The following GRAMD2B variants were observed in gnomAD, a reference collection of about 807,000 sequenced individuals.
GRAMD2B encodes the protein GRAM domain-containing protein 2B.
GRAMD2B carries 41 observed loss-of-function variants against 59.2 expected under a neutral mutation model. The observed-to-expected ratio is 0.69, with a 90% CI of 0.54 to 0.90. The LOEUF (loss-of-function observed/expected upper bound fraction) is 0.90, where lower values mean the gene tolerates loss of function less well. Ranked by LOEUF, GRAMD2B falls within the 40% of genes least tolerant of loss-of-function variation. GRAMD2B has a pLI of 0.00. For synonymous variants in GRAMD2B, 161 were observed against 182.7 expected (o/e 0.88, Z 0.96); for missense variants, 424 against 500.5 (o/e 0.85, Z 1.46).
chr5:126,403,145 C>T (rs1209217165), intron 1 of GRAMD2B, among the ~76,000 whole-genome samples: 1 of 151,980 alleles, frequency 6.6e-6, no homozygotes, highest in African/African-American at 2.4e-5. Flanking sequence ...CTAATATTCA[C>T]ACAGAAAGAA....
chr5:126,440,993 C>T (rs1382913013), intron 1 of GRAMD2B, among the ~76,000 whole-genome samples: 1 of 151,790 alleles, frequency 6.6e-6, no homozygotes. Flanking sequence ...TTGAAATAGG[C>T]CTGGAAAAAT....
intron 1 of GRAMD2B, among the ~76,000 whole-genome samples, chr5:126,447,671 GAA>G (rs113356500): frequency 2.5e-5 from 3 of 120,164 alleles, no homozygotes; most frequent in Non-Finnish European, 3.6e-5. Flanking sequence ...CTCAAAAAAA[GAA>G]AAAAAAAAAA....
At chr5:126,459,734 T>C (rs1186235334) in intron 1 of GRAMD2B, among the ~76,000 whole-genome samples, 3 of 152,248 alleles carry the variant, frequency 2.0e-5, no homozygotes, top group African/African-American at 4.8e-5. Flanking sequence ...AAAATGATGA[T>C]TGTTATTTTG....
chr5:126,470,468 T>C (rs968420351), intron 3 of GRAMD2B, among the ~76,000 whole-genome samples: 2 of 152,226 alleles, frequency 1.3e-5, no homozygotes, highest in African/African-American at 2.4e-5. Flanking sequence ...TGAATTTCCA[T>C]AGTAGTCCCA....
rs1405770957 is a variant in GRAMD2B, at chr5:126,493,805, G to A, written c.*849G>A. 1 of 152,580 alleles carries A rather than the reference G, an allele frequency of 6.6e-6. No individual in the cohort carries two copies. The highest frequency in any genetic ancestry group is 1.5e-5 in the Non-Finnish European group (1 of 68,040). 9.5% of individuals were successfully genotyped at this position (152,580 alleles called of 1,614,324 possible). A position where few individuals can be genotyped will look rare whatever the true frequency, so the allele number is the denominator to read the frequency against. ...GGACTATGTTAGTAGTTTTCAAGCA[G>A]GATGTCTGTATTCAGCATTCAATAA... On this transcript the variant is annotated 3_prime_UTR_variant, in exon 14 of 14. Coordinates refer to ENST00000285689, the MANE Select transcript of GRAMD2B (RefSeq NM_023927.4).
intron 13 of GRAMD2B, 136 bp downstream of exon 13, chr5:126,489,028 C>A: frequency 1.9e-6 from 1 of 516,702 alleles, no homozygotes; most frequent in Non-Finnish European, 3.5e-6. Context: ...TGGCTAGGGG[C>A]TTTTTATAGT....
At chr5:126,389,216 G>A (rs1225857278) in intron 1 of GRAMD2B, among the ~76,000 whole-genome samples, 1 of 152,180 alleles carries the variant, frequency 6.6e-6, no homozygotes, top group Admixed American at 6.5e-5. Flanking sequence ...TAGGGTTATT[G>A]TAAGGATTAA....
intron 1 of GRAMD2B, among the ~76,000 whole-genome samples, chr5:126,397,062 G>A (rs1336046908): frequency 6.6e-6 from 1 of 152,064 alleles, no homozygotes; most frequent in Non-Finnish European, 1.5e-5. Context: ...TAAGTTCCTT[G>A]TAGGTGCTGG....
chr5:126,485,656 A>C (rs1392776623), intron 10 of GRAMD2B, 30 bp from the exon 11 acceptor site: 6 of 1,415,890 alleles, frequency 4.2e-6, no homozygotes, highest in Non-Finnish European at 6.0e-6. Flanking sequence ...TATGGTTTTA[A>C]ACAGTTGTTT....
Position 126,435,923 on chromosome 5 carries a change from A to G in GRAMD2B, c.83+12234A>G, listed in dbSNP as rs936478488. The stretch of plus-strand genomic sequence containing the variant: ...TCTTACACGTTTATAGATACATATG[A>G]GCATTCACATTGCATCAGACAACCC... On this transcript the variant is annotated intron_variant, in intron 1 of 13. Transcript: ENST00000285689. Among the ~76,000 whole-genome samples, 30 of 152,216 alleles carry G rather than the reference A, an allele frequency of 2.0e-4. 1 individual carries two copies. Among genetic ancestry groups the G allele is most frequent in the Admixed American group, 1.9e-3 (29 of 15,286 alleles).
intron 1 of GRAMD2B, among the ~76,000 whole-genome samples, chr5:126,364,599 T>C (rs1329081414): frequency 6.6e-6 from 1 of 152,228 alleles, no homozygotes; most frequent in Non-Finnish European, 1.5e-5. Flanking sequence ...GAAGAGGATC[T>C]AGATTACCAG....
chr5:126,399,598 G>A (rs1290080147), intron 1 of GRAMD2B, among the ~76,000 whole-genome samples: 1 of 152,116 alleles, frequency 6.6e-6, no homozygotes, highest in Non-Finnish European at 1.5e-5. Context: ...AAAGAACTGT[G>A]AGTTCATTAA....
intron 1 of GRAMD2B, among the ~76,000 whole-genome samples, chr5:126,437,447 G>C (rs1029225298): frequency 3.9e-5 from 6 of 152,142 alleles, no homozygotes; most frequent in African/African-American, 1.2e-4. Flanking sequence ...TTTAATAGTT[G>C]TGGGATAGAG....
intron 1 of GRAMD2B, among the ~76,000 whole-genome samples, chr5:126,443,881 C>A (rs748617978): frequency 6.6e-6 from 1 of 152,102 alleles, no homozygotes; most frequent in East Asian, 1.9e-4. Context: ...GAAACGCTGT[C>A]TCTACTAAAA....
chr5:126,404,687 C>T (rs1289749882), intron 1 of GRAMD2B, among the ~76,000 whole-genome samples: 2 of 151,594 alleles, frequency 1.3e-5, no homozygotes, highest in African/African-American at 4.8e-5. Flanking sequence ...CCAAATTCAT[C>T]CAATACGCCT....
chr5:126,391,334 A>AAAAAAAAAAAAAAAAAAAAAAC (rs1266652091), intron 1 of GRAMD2B, among the ~76,000 whole-genome samples: 1 of 149,940 alleles, frequency 6.7e-6, no homozygotes, highest in African/African-American at 2.4e-5. Flanking sequence ...AAAAAAAAAA[A>AAAAAAAAAAAAAAAAAAAAAAC]AAAAAACTTG....
intron 1 of GRAMD2B, among the ~76,000 whole-genome samples, chr5:126,461,162 G>C (rs574901661): frequency 2.4e-4 from 37 of 152,202 alleles, no homozygotes; most frequent in African/African-American, 8.2e-4. Context: ...TCTACCTTCA[G>C]CTACTTATTT....
chr5:126,417,611 A>G (rs1759368728), intron 1 of GRAMD2B, among the ~76,000 whole-genome samples: 1 of 152,232 alleles, frequency 6.6e-6, no homozygotes, highest in Non-Finnish European at 1.5e-5. Context: ...GAACCATGAG[A>G]GGTAATAATA....
At chr5:126,448,891 A>AACACCTGTCTAAC (rs1764827900) in intron 1 of GRAMD2B, among the ~76,000 whole-genome samples, 1 of 152,236 alleles carries the variant, frequency 6.6e-6, no homozygotes, top group South Asian at 2.1e-4. Context: ...GCCGGCCTCA[A>AACACCTGTCTAAC]ACACCTGTCT....
Sources: gnomAD v4.1 joint callset for allele counts (sites outside exome capture counted in the v4.1 genomes callset) on GRCh38, gnomAD v4.1.1 for gene constraint, MANE v1.5 for transcripts, NCBI Gene and HGNC (gene_info 2026-07-23, HGNC 2026-07-21) for gene names.